IGF2R: variants seen among roughly 807,000 people sequenced by gnomAD.
IGF2R encodes the protein cation-independent mannose-6-phosphate receptor.
IGF2R carries 91 observed loss-of-function variants against 270.6 expected under a neutral mutation model. That is an observed-to-expected ratio of 0.34 (90% CI 0.28 to 0.40). IGF2R has a LOEUF of 0.40. IGF2R is among the 10% of genes least tolerant of loss of function. IGF2R has a pLI of 1.00. For synonymous variants in IGF2R, 1,316 were observed against 1,258.9 expected (o/e 1.05, Z -0.96); for missense variants, 2,805 against 3,188.3 (o/e 0.88, Z 2.90).
rs554810628 is a variant in IGF2R at position 160,008,850 on chromosome 6, GA to G, written c.290-159del. ...ATGGCACTTAATGTAATGTAATGGG[GA>G]TGCCACTCTGAGATGGAAAATTCTG... On this transcript the variant is annotated intron_variant, in intron 2 of 47. Coordinates refer to ENST00000356956, the MANE Select transcript of IGF2R (RefSeq NM_000876.4). Among the ~76,000 whole-genome samples the G allele has an allele frequency of 2.2e-3, 331 of 152,290 alleles. 2 individuals are homozygous for G. Among genetic ancestry groups the G allele is most frequent in the Middle Eastern group, 0.017 (5 of 294 alleles).
chr6:160,091,993 C>T (rs1779237942), intron 44 of IGF2R, among the ~76,000 whole-genome samples: 1 of 152,272 alleles, frequency 6.6e-6, no homozygotes, highest in South Asian at 2.1e-4. Context: ...GCTCTTGGTG[C>T]TGGAATGCCT....
chr6:160,066,591 T>G (rs907117530), intron 29 of IGF2R, among the ~76,000 whole-genome samples: 1 of 151,984 alleles, frequency 6.6e-6, no homozygotes, highest in Non-Finnish European at 1.5e-5. Context: ...TTACCCACCC[T>G]CACCTCTCCC....
intron 35 of IGF2R, 69 bp downstream of exon 35, chr6:160,074,044 T>TCTTG: frequency 8.6e-7 from 1 of 1,166,882 alleles, no homozygotes; most frequent in Admixed American, 2.1e-5. Context: ...TTGCGTTGTT[T>TCTTG]CTTGCCTTCA....
intron 19 of IGF2R, among the ~76,000 whole-genome samples, chr6:160,055,986 T>G (rs886150228): frequency 6.6e-6 from 1 of 152,176 alleles, no homozygotes; most frequent in African/African-American, 2.4e-5. Context: ...AGCCCTCCTG[T>G]GCCCTCTTCC....
In IGF2R at chr6:160,073,242, G is replaced by A. The variant is rs763401293; in HGVS notation, c.4720G>A (p.Val1574Met). ...CTGCTTTGGACAGACCAGGATTAGC[G>A]TGGGCAAGGCCAACAAGAGGCTGAG... The part of the protein sequence containing the change: ...GACFGQTRIS[V>M]GKANKRLRYV... The change falls in exon 34 of 48, where the codon GTG becomes ATG. Residue 1574 changes from valine (V) to methionine (M), a missense_variant. Val to Met is a conservative substitution (Grantham distance 21, BLOSUM62 1). Coordinates refer to ENST00000356956, the MANE Select transcript of IGF2R (RefSeq NM_000876.4). 3.7e-6 allele frequency: 6 copies of A among 1,614,148 alleles called. No homozygotes were observed. Among genetic ancestry groups the A allele is most frequent in the East Asian group, 2.2e-5 (1 of 44,902 alleles).
chr6:160,009,350 T>C (rs1054019864), intron 3 of IGF2R, among the ~76,000 whole-genome samples: 4 of 152,240 alleles, frequency 2.6e-5, no homozygotes, highest in Admixed American at 6.5e-5. Context: ...CCATGTCTTT[T>C]GTAAAACTAC....
At chr6:160,067,169 C>G (rs528330152) in intron 29 of IGF2R, among the ~76,000 whole-genome samples, 1 of 152,154 alleles carries the variant, frequency 6.6e-6, no homozygotes, top group Admixed American at 6.6e-5. Flanking sequence ...TCCAGCCACA[C>G]GGGGTTTCTG....
intron 4 of IGF2R, among the ~76,000 whole-genome samples, chr6:160,017,860 G>T (rs544435175): frequency 1.3e-3 from 200 of 152,232 alleles, no homozygotes; most frequent in African/African-American, 4.7e-3. Flanking sequence ...CCCAAAGGAG[G>T]TCTATACAGG....
Position 160,040,691 on chromosome 6 carries a change from C to T in IGF2R, c.1447C>T (p.Arg483Cys), listed in dbSNP as rs763632350. The T allele has an allele frequency of 3.7e-5, 59 of 1,614,064 alleles. No homozygotes were observed. Among genetic ancestry groups the T allele is most frequent in the East Asian group, 6.7e-5 (3 of 44,898 alleles). Residue 483 changes from arginine to cysteine, a missense_variant, in exon 11 of 48, where the codon CGC (arginine) becomes TGC (cysteine). Physicochemically the swap from Arg to Cys is radical, Grantham distance 180. This residue lies in a region of IGF2R where 954 missense variants were observed against 981.1 expected (regional missense o/e 0.97). Transcript: ENST00000356956. ...CTGCGGTGCCACCGACGGGAAGAAG[C>T]GCTATGACCTGTCCGCGCTGGTCCG... Reference protein sequence around the residue: ...LLCGATDGKKRYDLSALVRHA... With the variant: ...LLCGATDGKKCYDLSALVRHA...
intron 43 of IGF2R, 53 bp from the exon 44 acceptor site, chr6:160,089,863 G>C: frequency 7.6e-7 from 1 of 1,310,076 alleles, no homozygotes; most frequent in Non-Finnish European, 1.0e-6. Flanking sequence ...TTTATGTCAT[G>C]AATGCCTTCT....
chr6:160,071,200 C>T (rs889140405), intron 31 of IGF2R, among the ~76,000 whole-genome samples: 1 of 148,906 alleles, frequency 6.7e-6, no homozygotes, highest in African/African-American at 2.5e-5. Flanking sequence ...AGGCCCTGTG[C>T]CCCAGACCCA....
intron 2 of IGF2R, among the ~76,000 whole-genome samples, chr6:159,996,165 G>A (rs369548366): frequency 6.6e-6 from 1 of 152,274 alleles, no homozygotes; most frequent in African/African-American, 2.4e-5. Flanking sequence ...GCTTGGGTGT[G>A]TGAGCAGGAT....
At position 160,034,349 on chromosome 6, in the gene IGF2R, A is replaced by G. The variant is rs374323932; in HGVS notation, c.1212-70A>G. The G allele has an allele frequency of 2.7e-5, 27 of 985,882 alleles. No homozygotes were observed. In the East Asian group the frequency reaches 4.6e-4, roughly 17 times the overall value. 61.1% of individuals were successfully genotyped at this position (985,882 alleles called of 1,614,324 possible). On this transcript the variant is annotated intron_variant, in intron 9 of 47. Transcript: ENST00000356956. ...GCTACGCAAAAGGCTTAATGTAGAC[A>G]TTTAAAAAGATTCAAGTTTTTTTCT...
chr6:160,104,505 A>G (rs1779568516), intron 47 of IGF2R, among the ~76,000 whole-genome samples, 169 bp from the exon 48 acceptor site: 1 of 152,042 alleles, frequency 6.6e-6, no homozygotes, highest in African/African-American at 2.4e-5. Flanking sequence ...AGGTGTTGCC[A>G]GCCCTCGTCT....
intron 2 of IGF2R, among the ~76,000 whole-genome samples, chr6:159,993,943 C>T (rs1784014141): frequency 7.0e-6 from 1 of 143,618 alleles, no homozygotes; most frequent in Non-Finnish European, 1.5e-5. Flanking sequence ...TAGGGTGTTA[C>T]TGGCTTCATA....
chr6:160,018,924 C>A (rs550770244), intron 4 of IGF2R, among the ~76,000 whole-genome samples: 123 of 151,872 alleles, frequency 8.1e-4, no homozygotes, highest in African/African-American at 2.5e-3. Context: ...AAAGAAAAAA[C>A]CAAATTGAAA....
chr6:160,073,929 C>G lies in IGF2R; in HGVS notation c.5120C>G (p.Pro1707Arg). ...PLNPMHGVPC[P>R]AGAAVCKVPI... The stretch of plus-strand genomic sequence containing the variant: ...AATCCCATGCACGGAGTGCCCTGTC[C>G]TGCCGGAGCCGCTGTGTGCAAAGTT... Residue 1707 changes from proline to arginine, a missense_variant, in exon 35 of 48, where the codon CCT (proline) becomes CGT (arginine). By Grantham distance (103) the Pro-to-Arg change is moderately radical (BLOSUM62 -2). Coordinates refer to ENST00000356956, the MANE Select transcript of IGF2R (RefSeq NM_000876.4). 5 of 1,614,126 alleles carry G rather than the reference C, an allele frequency of 3.1e-6. No homozygotes were observed. The highest frequency in any genetic ancestry group is 4.2e-6 in the Non-Finnish European group (5 of 1,179,964).
intron 47 of IGF2R, among the ~76,000 whole-genome samples, chr6:160,104,353 G>GA (rs1022318759): frequency 6.6e-6 from 1 of 151,968 alleles, no homozygotes; most frequent in African/African-American, 2.4e-5. Flanking sequence ...TGCGCTGGGG[G>GA]ATCACTGGTC....
intron 3 of IGF2R, among the ~76,000 whole-genome samples, chr6:160,009,923 A>G (rs1212200492): frequency 2.0e-5 from 3 of 152,246 alleles, no homozygotes; most frequent in Non-Finnish European, 2.9e-5. Context: ...AACTTTGAAA[A>G]TAAAACTAAT....
Sources: gnomAD v4.1 joint callset for allele counts (sites outside exome capture counted in the v4.1 genomes callset) on GRCh38, gnomAD v4.1.1 for gene constraint, gnomAD v4.1.1 regional missense constraint, MANE v1.5 for transcripts, NCBI Gene and HGNC (gene_info 2026-07-23, HGNC 2026-07-21) for gene names.